THNSL1: variants seen among roughly 807,000 people sequenced by gnomAD.
The protein encoded by THNSL1 is threonine synthase-like 1.
A neutral mutation model predicts 50.4 loss-of-function variants in THNSL1; 48 were observed. The observed-to-expected ratio is 0.95, with a 90% CI of 0.76 to 1.21. The LOEUF is 1.21. Ranked by LOEUF, THNSL1 falls within the 50% of genes most tolerant of loss-of-function variation. THNSL1 has a pLI of 0.00. For missense variants in THNSL1, 896 were observed against 871.7 expected (o/e 1.03, Z -0.35); for synonymous variants, 309 against 306.1 (o/e 1.01, Z -0.10).
chr10:24,998,665 A>G, the THNSL1 span, among the ~76,000 whole-genome samples: 49 of 152,140 alleles, frequency 3.2e-4, no homozygotes, highest in Middle Eastern at 0.01. Context: ...TTGCTTCCAT[A>G]CATACCTGTC....
Position 25,024,438 on chromosome 10 carries a change from AT to A in THNSL1, c.1221del (p.Pro408LeufsTer5). 6.2e-7 allele frequency: 1 copy of A among 1,614,070 alleles called. No individual in the cohort carries two copies. Among genetic ancestry groups the A allele is most frequent in the African/African-American group, 1.3e-5 (1 of 75,064 alleles). ...NDKQRIAVVA[F>X]FPENGVSDFQ... ...ATAAGCAAAGGATAGCTGTGGTTGC[AT>A]TTTTTCCTGAGAATGGAGTAAGTGA... is the stretch of plus-strand genomic sequence containing the variant. On this transcript the variant is annotated frameshift_variant, in exon 3 of 3. Transcript: ENST00000376356. LOFTEE classifies it high-confidence loss of function.
the THNSL1 span, among the ~76,000 whole-genome samples, chr10:24,963,783 T>C: frequency 2.2e-4 from 34 of 152,204 alleles, no homozygotes; most frequent in African/African-American, 5.8e-4. Context: ...ACGGTAGAAA[T>C]AATGATCTAA....
the THNSL1 span, among the ~76,000 whole-genome samples, chr10:24,994,534 A>G: frequency 2.6e-5 from 4 of 151,614 alleles, no homozygotes; most frequent in South Asian, 8.3e-4. Context: ...GGGTGTCACC[A>G]TGTTGGCCAA....
At chr10:24,988,716 A>G in the THNSL1 span, among the ~76,000 whole-genome samples, 2 of 111,394 alleles carry the variant, frequency 1.8e-5, no homozygotes, top group African/African-American at 6.2e-5. Context: ...ATATATATAT[A>G]TATATATATA....
the THNSL1 span, among the ~76,000 whole-genome samples, chr10:24,954,208 G>A: frequency 1.3e-5 from 2 of 152,164 alleles, no homozygotes; most frequent in Non-Finnish European, 2.9e-5. Context: ...TCAAACTTTA[G>A]AGTTCACAAG....
At chr10:24,974,085 A>AAAAATTG in the THNSL1 span, among the ~76,000 whole-genome samples, 2 of 152,198 alleles carry the variant, frequency 1.3e-5, no homozygotes, top group Non-Finnish European at 2.9e-5. Context: ...GACATGTAAA[A>AAAAATTG]AAAATTGAAT....
At chr10:24,952,515 A>G in the THNSL1 span, 1 of 1,582,640 alleles carries the variant, frequency 6.3e-7, no homozygotes, top group East Asian at 2.3e-5. The surrounding 1 kb of genome is among the most constrained non-coding windows in gnomAD (Gnocchi z 5.1). Flanking sequence ...CAAAATAGGG[A>G]GTTTGCATTT....
the THNSL1 span, among the ~76,000 whole-genome samples, chr10:25,007,451 T>C: frequency 6.6e-6 from 1 of 152,186 alleles, no homozygotes; most frequent in Non-Finnish European, 1.5e-5. Flanking sequence ...TGTTTATTTA[T>C]TGAGATGGAG....
chr10:24,961,556 T>A, the THNSL1 span, among the ~76,000 whole-genome samples: 1 of 152,198 alleles, frequency 6.6e-6, no homozygotes, highest in Admixed American at 6.5e-5. Context: ...AATGGAAGAA[T>A]ACAGTAAATC....
chr10:24,998,572 G>A, the THNSL1 span, among the ~76,000 whole-genome samples: 2,027 of 151,706 alleles, frequency 0.013, 59 homozygotes, highest in African/African-American at 0.046. Flanking sequence ...TTGTACGGAC[G>A]GGGTCTTGCT....
chr10:24,990,237 G>A, the THNSL1 span, among the ~76,000 whole-genome samples: 1 of 152,190 alleles, frequency 6.6e-6, no homozygotes, highest in Admixed American at 6.5e-5. Context: ...GAAAAAAACA[G>A]TTCACCAAAT....
chr10:24,995,737 T>C, the THNSL1 span: 1 of 1,614,110 alleles, frequency 6.2e-7, no homozygotes, highest in Admixed American at 1.7e-5. Flanking sequence ...TTTAGGCTTT[T>C]TAGCCACTCC....
At chr10:24,976,263 A>G in the THNSL1 span, among the ~76,000 whole-genome samples, 1 of 152,306 alleles carries the variant, frequency 6.6e-6, no homozygotes, top group South Asian at 2.1e-4. Context: ...GTCTCTCTGC[A>G]TGCAGCCTGC....
At position 25,024,722 on chromosome 10, in the gene THNSL1, GC is replaced by G. The variant is rs758753195; in HGVS notation, c.1502del (p.Pro501GlnfsTer15). 1 of 1,614,156 alleles carries G rather than the reference GC, an allele frequency of 6.2e-7. No individual in the cohort carries two copies. The highest frequency in any genetic ancestry group is 1.3e-5 in the African/African-American group (1 of 75,058). ...AGTCAAGGATTTATTTCTTTTGGAA[GC>G]CCAGTCGATGTCTGTATTCCCACAG... is the stretch of plus-strand genomic sequence containing the variant. ...LVSQGFISFG[S>X]PVDVCIPTGN... On this transcript the variant is annotated frameshift_variant, in exon 3 of 3. Coordinates refer to ENST00000376356, the MANE Select transcript of THNSL1 (RefSeq NM_024838.5). LOFTEE classifies it high-confidence loss of function.
intron 1 of THNSL1, among the ~76,000 whole-genome samples, chr10:25,016,940 C>G (rs1850601598): frequency 6.6e-6 from 1 of 152,218 alleles, no homozygotes; most frequent in African/African-American, 2.4e-5. Context: ...CGAGGCTCCT[C>G]GGAACGCCGC....
chr10:25,003,176 TAA>T, the THNSL1 span, among the ~76,000 whole-genome samples: 4,051 of 137,362 alleles, frequency 0.029, 73 homozygotes, highest in South Asian at 0.071. Context: ...ATTAATTAAT[TAA>T]TTAATTTATT....
At chr10:25,011,109 G>A in the THNSL1 span, among the ~76,000 whole-genome samples, 2 of 151,334 alleles carry the variant, frequency 1.3e-5, no homozygotes, top group South Asian at 4.2e-4. Context: ...AGCACCTGTT[G>A]TTTCCTGACT....
chr10:24,969,144 G>A, the THNSL1 span, among the ~76,000 whole-genome samples: 2 of 152,188 alleles, frequency 1.3e-5, no homozygotes, highest in Non-Finnish European at 2.9e-5. Context: ...TCCACCCGCC[G>A]CGGCCTGTCG....
chr10:25,008,881 A>G, the THNSL1 span, among the ~76,000 whole-genome samples: 3 of 152,370 alleles, frequency 2.0e-5, no homozygotes, highest in Admixed American at 2.0e-4. Flanking sequence ...GATAGACTGG[A>G]TTAAGAAAAT....
Sources: allele counts gnomAD v4.1 joint callset (sites outside exome capture counted in the v4.1 genomes callset), GRCh38; gene constraint gnomAD v4.1.1; non-coding constraint Gnocchi (gnomAD v3.1); transcripts MANE v1.5; gene names NCBI Gene and HGNC (gene_info 2026-07-23, HGNC 2026-07-21).